Variants in TMEM272 observed in about 807,000 individuals in gnomAD.
The protein encoded by TMEM272 is long intergenic non-protein coding RNA 282.
A neutral mutation model predicts 3.7 loss-of-function variants in TMEM272; 8 were observed. The observed-to-expected ratio is 2.17, with a 90% CI of 1.27 to 3.91. The LOEUF is 3.91. TMEM272 is among the 30% of genes most tolerant of loss of function. TMEM272 has a pLI of 0.00. For synonymous variants in TMEM272, 63 were observed against 39.8 expected, an observed-to-expected ratio of 1.58 and a Z score of -2.20; for missense variants, 166 against 91.5, an observed-to-expected ratio of 1.81 and a Z score of -3.32.
chr13:51,903,942 CGTGTGT>C, the TMEM272 span, among the ~76,000 whole-genome samples: 384 of 136,654 alleles, frequency 2.8e-3, 2 homozygotes, highest in African/African-American at 9.6e-3. Flanking sequence ...CAGTCTTCCA[CGTGTGT>C]GTGTGTGTGT....
the TMEM272 span, among the ~76,000 whole-genome samples, chr13:51,879,536 CAATT>C: frequency 6.6e-6 from 1 of 152,070 alleles, no homozygotes; most frequent in Non-Finnish European, 1.5e-5. Context: ...GAGAATGTAA[CAATT>C]AAAAATTTGT....
chr13:51,921,821 C>T, the TMEM272 span, among the ~76,000 whole-genome samples: 27 of 152,318 alleles, frequency 1.8e-4, no homozygotes, highest in South Asian at 1.2e-3. Context: ...AGCTGGGGAG[C>T]GGAGGTCCAA....
chr13:51,884,204 C>T, the TMEM272 span, among the ~76,000 whole-genome samples: 1 of 151,608 alleles, frequency 6.6e-6, no homozygotes, highest in Non-Finnish European at 1.5e-5. Flanking sequence ...TCCCACATCC[C>T]TAACATTTCC....
the TMEM272 span, among the ~76,000 whole-genome samples, chr13:51,912,512 T>C: frequency 6.6e-6 from 1 of 152,354 alleles, no homozygotes; most frequent in South Asian, 2.1e-4. Context: ...GTACACCCCT[T>C]GGCCACACTT....
At chr13:51,925,562 T>C in the TMEM272 span, among the ~76,000 whole-genome samples, 5,658 of 152,046 alleles carry the variant, frequency 0.037, 119 homozygotes, top group Middle Eastern at 0.092. Context: ...TATAGACACA[T>C]AGAGCCATCC....
At chr13:51,878,446 A>C in the TMEM272 span, among the ~76,000 whole-genome samples, 7 of 152,100 alleles carry the variant, frequency 4.6e-5, no homozygotes, top group African/African-American at 1.7e-4. Context: ...AAACAAAACA[A>C]AACAAAAACT....
chr13:51,858,923 CTTT>C, the TMEM272 span, among the ~76,000 whole-genome samples: 1 of 152,106 alleles, frequency 6.6e-6, no homozygotes, highest in African/African-American at 2.4e-5. Context: ...CCCGGGAGCC[CTTT>C]TTACTTGGCT....
chr13:51,844,589 ATTGT>A (rs1205803695), intron 1 of TMEM272, among the ~76,000 whole-genome samples: 1 of 152,034 alleles, frequency 6.6e-6, no homozygotes, highest in Non-Finnish European at 1.5e-5. Context: ...GGATGCCTTC[ATTGT>A]TTGGCTCCTA....
At chr13:51,916,441 G>A in the TMEM272 span, among the ~76,000 whole-genome samples, 2 of 152,202 alleles carry the variant, frequency 1.3e-5, no homozygotes, top group Non-Finnish European at 2.9e-5. Context: ...TACTTATCAG[G>A]GTGCCTGGCA....
At chr13:51,851,669 C>T in the TMEM272 span, among the ~76,000 whole-genome samples, 11 of 151,978 alleles carry the variant, frequency 7.2e-5, no homozygotes, top group East Asian at 5.8e-4. Flanking sequence ...GGACTACAGG[C>T]GCACGCCACC....
the TMEM272 span, among the ~76,000 whole-genome samples, chr13:51,872,366 C>T: frequency 6.6e-6 from 1 of 150,914 alleles, no homozygotes; most frequent in Non-Finnish European, 1.5e-5. Context: ...AGAAGATGAG[C>T]AAAAAGACAA....
rs1158616292 is a variant in TMEM272, at chr13:51,813,629, G to T, written c.*3122C>A. The T allele has an allele frequency of 5.0e-6, 1 of 200,888 alleles. No individual in the cohort carries two copies. Among genetic ancestry groups the T allele is most frequent in the East Asian group, 1.1e-4 (1 of 8,860 alleles). 12.4% of individuals were successfully genotyped at this position (200,888 alleles called of 1,614,324 possible). On this transcript the variant is annotated 3_prime_UTR_variant, in exon 5 of 5. Transcript: ENST00000629372. Reference sequence around the variant, plus strand: ...AGAACCAGCTGGGCCCCACAAGTCAGTCTCTGGGGGCTGTGATTCTGCATT... The same window carrying T: ...AGAACCAGCTGGGCCCCACAAGTCATTCTCTGGGGGCTGTGATTCTGCATT...
At chr13:51,851,940 A>G in the TMEM272 span, among the ~76,000 whole-genome samples, 3 of 152,252 alleles carry the variant, frequency 2.0e-5, no homozygotes, top group Non-Finnish European at 4.4e-5. Context: ...ATTACAAACA[A>G]TACTCCGATG....
the TMEM272 span, among the ~76,000 whole-genome samples, chr13:51,850,291 A>G: frequency 8.6e-4 from 131 of 152,274 alleles, 1 homozygote; most frequent in African/African-American, 2.9e-3. Flanking sequence ...ATTTCCTTAT[A>G]ATATTTATAC....
the TMEM272 span, among the ~76,000 whole-genome samples, chr13:51,868,095 C>CAAGA: frequency 6.6e-6 from 1 of 152,192 alleles, no homozygotes; most frequent in African/African-American, 2.4e-5. Flanking sequence ...TGCCATCCAA[C>CAAGA]AAGAAGGTGT....
chr13:51,865,313 T>G, the TMEM272 span: 2 of 1,377,840 alleles, frequency 1.5e-6, no homozygotes, highest in Non-Finnish European at 9.9e-7. Context: ...TAGATCTGTC[T>G]TTTCTGCTGC....
At chr13:51,911,824 G>A in the TMEM272 span, among the ~76,000 whole-genome samples, 1 of 151,796 alleles carries the variant, frequency 6.6e-6, no homozygotes, top group Non-Finnish European at 1.5e-5. Flanking sequence ...AGAGCCTCCC[G>A]GCCCTCCATG....
chr13:51,840,027 CAT>C (rs1956248463), intron 1 of TMEM272, among the ~76,000 whole-genome samples: 1 of 152,220 alleles, frequency 6.6e-6, no homozygotes, highest in African/African-American at 2.4e-5. Flanking sequence ...AGGTCTTCCA[CAT>C]GTTACCTAAT....
intron 3 of TMEM272, among the ~76,000 whole-genome samples, chr13:51,822,503 G>A (rs762850444): frequency 5.6e-4 from 85 of 152,250 alleles, no homozygotes; most frequent in Middle Eastern, 6.8e-3. Flanking sequence ...TTAAATATAC[G>A]GTTTTCTTGA....
Sources: allele counts gnomAD v4.1 joint callset (sites outside exome capture counted in the v4.1 genomes callset), GRCh38; gene constraint gnomAD v4.1.1; transcripts MANE v1.5; gene names NCBI Gene and HGNC (gene_info 2026-07-23, HGNC 2026-07-21).